The following PJVK variants were observed in gnomAD, a reference collection of about 807,000 sequenced individuals.
The protein encoded by PJVK is pejvakin, also known as autosomal recessive deafness type 59 protein.
Under a neutral mutation model 37.6 loss-of-function variants are expected in PJVK, and 33 were observed. The observed-to-expected ratio is 0.88, with a 90% CI of 0.67 to 1.17. The LOEUF is 1.17. PJVK is among the 50% of genes most tolerant of loss of function. The pLI, the probability that PJVK is intolerant of heterozygous loss-of-function variation, is 0.00. For missense variants in PJVK, 410 were observed against 413.8 expected (o/e 0.99, Z 0.08); for synonymous variants, 141 against 143.5 (o/e 0.98, Z 0.13).
rs1697651592 is a variant in PJVK, at chr2:178,451,405, G to C, written c.-387G>C. ...CCAGCCTGTAGTAACTGGCCCCTAG[G>C]CCGCAGTTCTTTGTCCTTAGCAGGA... On this transcript the variant is annotated 5_prime_UTR_variant, in exon 1 of 7. Coordinates refer to ENST00000644580, the MANE Select transcript of PJVK (RefSeq NM_001042702.5). 3.5e-6 allele frequency: 1 copy of C among 283,262 alleles called. No homozygotes were observed. The highest frequency in any genetic ancestry group is 6.7e-6 in the Non-Finnish European group (1 of 149,202). The allele number at this position is 283,262 out of a possible 1,614,324, so 17.5% of individuals were successfully genotyped here. A position where few individuals can be genotyped will look rare whatever the true frequency, so the allele number is the denominator to read the frequency against.
rs1425896728 is a variant in PJVK at position 178,461,303 on chromosome 2, T to G, written c.*29T>G. On this transcript the variant is annotated 3_prime_UTR_variant, in exon 7 of 7. Coordinates refer to ENST00000644580, the MANE Select transcript of PJVK (RefSeq NM_001042702.5). ...GAAAAATGAATACACCGTGTTGGTG[T>G]TTTAGGTGCAGTTGTGCCACAAACC... 1 of 1,611,970 alleles carries G rather than the reference T, an allele frequency of 6.2e-7. No homozygotes were observed. The highest frequency in any genetic ancestry group is 1.1e-5 in the South Asian group (1 of 90,898).
rs1039860842 is a variant in PJVK, at chr2:178,451,822, A to T, written c.-23+53A>T. On this transcript the variant is annotated intron_variant, in intron 1 of 6. Coordinates refer to ENST00000644580, the MANE Select transcript of PJVK (RefSeq NM_001042702.5). ...GGAGTAAACGAAGGCCTTTCCGGGG[A>T]CCTGGGTAGTCGGTTGTAATGGCGT... is the stretch of plus-strand genomic sequence containing the variant. 7.1e-6 allele frequency: 7 copies of T among 985,210 alleles called. No individual in the cohort carries two copies. In the African/African-American group the frequency reaches 1.2e-4, roughly 17 times the overall value. The allele number at this position is 985,210 out of a possible 1,614,324, so 61.0% of individuals were successfully genotyped here. A position where few individuals can be genotyped will look rare whatever the true frequency, so the allele number is the denominator to read the frequency against.
In PJVK at chr2:178,461,313, A is replaced by C. The variant is rs748905378; in HGVS notation, c.*39A>C. 6.2e-7 allele frequency: 1 copy of C among 1,608,334 alleles called. No homozygotes were observed. Among genetic ancestry groups the C allele is most frequent in the Non-Finnish European group, 8.5e-7 (1 of 1,176,848 alleles). ...TACACCGTGTTGGTGTTTTAGGTGC[A>C]GTTGTGCCACAAACCTTCCCTAAAT... On this transcript the variant is annotated 3_prime_UTR_variant, in exon 7 of 7. Transcript: ENST00000644580.
chr2:178,459,291 A>G (rs368050663), intron 5 of PJVK: 96 of 461,846 alleles, frequency 2.1e-4, no homozygotes, highest in South Asian at 1.5e-3. Flanking sequence ...ATGTTTTTAG[A>G]CCTGTTCTTG....
chr2:178,457,706 T>C lies in PJVK; in HGVS notation c.550-804T>C, dbSNP rs542411239. Among the ~76,000 whole-genome samples, 22 of 152,244 alleles carry C rather than the reference T, an allele frequency of 1.4e-4. No individual in the cohort carries two copies. In the East Asian group the frequency reaches 4.3e-3, roughly 29 times the overall value. On this transcript the variant is annotated intron_variant, in intron 4 of 6. Transcript: ENST00000644580. ...GGGCCACGGGCTCAGCTGACGACCATGGGCTTCGCGTCCAACCAGCAGTTT... is the reference window on the plus strand; with the variant it reads ...GGGCCACGGGCTCAGCTGACGACCACGGGCTTCGCGTCCAACCAGCAGTTT...
At chr2:178,453,367 G>A (rs1216919504) in intron 1 of PJVK, 21 bp from the exon 2 acceptor site, 1 of 1,604,718 alleles carries the variant, frequency 6.2e-7, no homozygotes, top group East Asian at 2.2e-5. Flanking sequence ...CTTTAAAAAT[G>A]GATTTATCTG....
intron 3 of PJVK, chr2:178,454,819 C>T: frequency 7.3e-7 from 1 of 1,367,934 alleles, no homozygotes; most frequent in Non-Finnish European, 1.0e-6. Flanking sequence ...AATCATGAGG[C>T]CCAGATCAAG....
intron 1 of PJVK, chr2:178,453,067 T>C: frequency 3.1e-6 from 1 of 320,058 alleles, no homozygotes; most frequent in Non-Finnish European, 6.0e-6. Context: ...AATTGGCCCA[T>C]TGCCAGTGGC....
intron 2 of PJVK, 97 bp from the exon 3 acceptor site, chr2:178,454,235 G>T: frequency 9.9e-7 from 1 of 1,012,376 alleles, no homozygotes; most frequent in Non-Finnish European, 1.4e-6. Flanking sequence ...TCTAACATTT[G>T]GGTATTTGAG....
rs774139274 is a variant in PJVK at position 178,454,386 on chromosome 2, A to G, written c.266A>G (p.Tyr89Cys). Residue 89 changes from tyrosine (Y) to cysteine (C), a missense_variant, in exon 3 of 7, where the codon TAT becomes TGT. Tyr to Cys is a radical substitution (Grantham distance 194). Coordinates refer to ENST00000644580, the MANE Select transcript of PJVK (RefSeq NM_001042702.5). ...GAAGATGAATCAGATGTTTCACTCT[A>G]TGGAAGGCGAGGTAACCATATTGTA... ...NYEDESDVSL[Y>C]GRRGNHIVND... The G allele has an allele frequency of 1.2e-5, 19 of 1,613,838 alleles. No individual in the cohort carries two copies. The highest frequency in any genetic ancestry group is 2.2e-5 in the East Asian group (1 of 44,826).
Position 178,462,078 on chromosome 2 carries a change from CAAATT to C in PJVK, c.*808_*812del, listed in dbSNP as rs549344333. On this transcript the variant is annotated 3_prime_UTR_variant, in exon 7 of 7. Transcript: ENST00000644580. ...AATCTTAAATGTTTAATTGCAGTAT[CAAATT>C]AAAAGCACACTGAACTCAACATGGG... Among the ~76,000 whole-genome samples the C allele has an allele frequency of 4.9e-3, 749 of 152,242 alleles. 2 individuals are homozygous for C. Among genetic ancestry groups the C allele is most frequent in the Middle Eastern group, 0.01 (3 of 294 alleles).
chr2:178,457,458 A>G (rs1333403695), intron 4 of PJVK, among the ~76,000 whole-genome samples: 2 of 152,114 alleles, frequency 1.3e-5, no homozygotes, highest in East Asian at 1.9e-4. Context: ...TCTACAAAAA[A>G]TAAAAGAATT....
In PJVK at chr2:178,461,398, G is replaced by A. The variant is rs1008755298; in HGVS notation, c.*124G>A. On this transcript the variant is annotated 3_prime_UTR_variant, in exon 7 of 7. Transcript: ENST00000644580. ...GAGAAAAGCAAAAAGAAATTAACCT[G>A]TCTGGGTATCATATTCCCTATCTAT... The A allele has an allele frequency of 1.8e-6, 2 of 1,082,730 alleles. No homozygotes were observed. The highest frequency in any genetic ancestry group is 2.7e-6 in the Non-Finnish European group (2 of 736,904). The allele number at this position is 1,082,730 out of a possible 1,614,324, so 67.1% of individuals were successfully genotyped here.
At chr2:178,452,759 T>C (rs903661911) in intron 1 of PJVK, 2 of 337,386 alleles carry the variant, frequency 5.9e-6, no homozygotes, top group Non-Finnish European at 8.4e-6. Context: ...TATAGTTACT[T>C]ATATGTAATG....
Position 178,455,007 on chromosome 2 carries a change from C to T in PJVK, c.407+480C>T, listed in dbSNP as rs376199410. The T allele has an allele frequency of 9.6e-5, 101 of 1,052,278 alleles. No homozygotes were observed. The African/African-American group carries it at 1.3e-3, about 13-fold the overall frequency. 65.2% of individuals were successfully genotyped at this position (1,052,278 alleles called of 1,614,324 possible). Reference sequence around the variant, plus strand: ...GGCGGTCCCTTTCTGTGTGGACTTCCAGCTGAAAGGGAAGGACGTGGTGGT... The same window carrying T: ...GGCGGTCCCTTTCTGTGTGGACTTCTAGCTGAAAGGGAAGGACGTGGTGGT... On this transcript the variant is annotated intron_variant, in intron 3 of 6. Coordinates refer to ENST00000644580, the MANE Select transcript of PJVK (RefSeq NM_001042702.5).
rs555344314 is a variant in PJVK, at chr2:178,451,558, C to T, written c.-234C>T. 1.4e-3 allele frequency: 222 copies of T among 154,756 alleles called. 5 individuals are homozygous for T. In the South Asian group the frequency reaches 0.021, roughly 15 times the overall value. 9.6% of individuals were successfully genotyped at this position (154,756 alleles called of 1,614,324 possible). A position where few individuals can be genotyped will look rare whatever the true frequency, so the allele number is the denominator to read the frequency against. On this transcript the variant is annotated 5_prime_UTR_variant, in exon 1 of 7. Transcript: ENST00000644580. ...GCTGGGTCACTTTAAGAAAAAGATT[C>T]TAAAATTACGAAGGCAGAATTCCAG...
At chr2:178,460,820 G>C (rs1684449714) in intron 6 of PJVK, among the ~76,000 whole-genome samples, 162 bp from the exon 7 acceptor site, 7 of 129,924 alleles carry the variant, frequency 5.4e-5, no homozygotes, top group Admixed American at 5.4e-4. Context: ...CTGCCCTCCA[G>C]CTTGGGTGAC....
At chr2:178,456,213 T>C (rs1345825105) in intron 4 of PJVK, 62 bp downstream of exon 4, 2 of 1,575,266 alleles carry the variant, frequency 1.3e-6, no homozygotes, top group Admixed American at 3.7e-5. Context: ...TTTTTTTAAG[T>C]ATTGAATTTC....
Position 178,457,287 on chromosome 2 carries a change from A to T in PJVK, c.549+1136A>T, listed in dbSNP as rs1684172790. On this transcript the variant is annotated intron_variant, in intron 4 of 6. Coordinates refer to ENST00000644580, the MANE Select transcript of PJVK (RefSeq NM_001042702.5). The stretch of plus-strand genomic sequence containing the variant: ...TTCAAAGTTAATATTATCAATGGCC[A>T]TACATGCTTTATTCAAGGTTAGTTA... Among the ~76,000 whole-genome samples the T allele has an allele frequency of 2.0e-5, 3 of 152,224 alleles. No homozygotes were observed. The South Asian group carries it at 6.2e-4, about 31-fold the overall frequency.
Sources: gnomAD v4.1 joint callset for allele counts (sites outside exome capture counted in the v4.1 genomes callset) on GRCh38, gnomAD v4.1.1 for gene constraint, MANE v1.5 for transcripts, NCBI Gene and HGNC (gene_info 2026-07-23, HGNC 2026-07-21) for gene names.